LYPLAL1: variants seen among roughly 807,000 people sequenced by gnomAD.
LYPLAL1 encodes the protein lysophospholipase like 1.
A neutral mutation model predicts 19.7 loss-of-function variants in LYPLAL1; 23 were observed. That is an observed-to-expected ratio of 1.17 (90% CI 0.84 to 1.65). The LOEUF is 1.65. Ranked by LOEUF, LYPLAL1 falls within the 40% of genes most tolerant of loss-of-function variation. LYPLAL1 has a pLI of 0.00. For synonymous variants in LYPLAL1, 119 were observed against 96.3 expected, an observed-to-expected ratio of 1.24 and a Z score of -1.38; for missense variants, 355 against 279.4, an observed-to-expected ratio of 1.27 and a Z score of -1.93.
At chr1:219,214,997 T>C (rs1659235722), downstream of LYPLAL1, among the ~76,000 whole-genome samples, 1 of 152,094 alleles carries the variant, frequency 6.6e-6, no homozygotes, top group South Asian at 2.1e-4. Flanking sequence ...ACCCAGGCAA[T>C]TTTTCTTTAA....
At chr1:219,385,019 T>G in the LYPLAL1 span, among the ~76,000 whole-genome samples, 1 of 152,190 alleles carries the variant, frequency 6.6e-6, no homozygotes, top group African/African-American at 2.4e-5. Context: ...GACTTGACTA[T>G]TGGTGGGCTT....
chr1:219,198,563 A>G (rs564785857), intron 3 of LYPLAL1: 1 of 152,146 alleles, frequency 6.6e-6, no homozygotes, highest in Non-Finnish European at 1.5e-5. Context: ...ATTCACTTAA[A>G]TATCTATTGC....
chr1:219,213,428 C>T (rs1659175578), downstream of LYPLAL1, among the ~76,000 whole-genome samples: 1 of 150,210 alleles, frequency 6.7e-6, no homozygotes, highest in African/African-American at 2.5e-5. Context: ...CATAAACAAC[C>T]TTGTCTGTAT....
chr1:219,251,490 CA>C, the LYPLAL1 span, among the ~76,000 whole-genome samples: 2 of 152,130 alleles, frequency 1.3e-5, no homozygotes, highest in African/African-American at 2.4e-5. Context: ...CAATCTTCTG[CA>C]TATGGCTAGC....
chr1:219,255,685 C>T, the LYPLAL1 span, among the ~76,000 whole-genome samples: 8 of 151,934 alleles, frequency 5.3e-5, no homozygotes, highest in South Asian at 8.3e-4. Context: ...AACATCAAGA[C>T]GAAATCTTTT....
chr1:219,337,154 G>A, the LYPLAL1 span, among the ~76,000 whole-genome samples: 3 of 75,456 alleles, frequency 4.0e-5, no homozygotes, highest in Non-Finnish European at 8.3e-5. Flanking sequence ...ATTACATTGG[G>A]CATTGGATCC....
chr1:219,270,724 A>G, the LYPLAL1 span: 2 of 152,214 alleles, frequency 1.3e-5, no homozygotes, highest in East Asian at 1.9e-4. Context: ...GTTTGCAGAT[A>G]GATTTTTCAG....
At chr1:219,357,711 A>G in the LYPLAL1 span, among the ~76,000 whole-genome samples, 1 of 152,164 alleles carries the variant, frequency 6.6e-6, no homozygotes, top group South Asian at 2.1e-4. Context: ...TACCCAACTA[A>G]TTTGAAAACT....
chr1:219,420,097 T>C, the LYPLAL1 span, among the ~76,000 whole-genome samples: 2 of 152,178 alleles, frequency 1.3e-5, no homozygotes, highest in African/African-American at 4.8e-5. Context: ...GAAAGAACCA[T>C]AGATCTTGGC....
At chr1:219,185,136 G>C (rs945365192) in intron 2 of LYPLAL1, among the ~76,000 whole-genome samples, 1 of 151,798 alleles carries the variant, frequency 6.6e-6, no homozygotes, top group African/African-American at 2.4e-5. Flanking sequence ...TTGATAATTT[G>C]TATTTCTCAT....
intron 3 of LYPLAL1, among the ~76,000 whole-genome samples, chr1:219,206,520 G>A (rs1168449114): frequency 3.3e-5 from 5 of 152,076 alleles, no homozygotes; most frequent in South Asian, 2.1e-4. Flanking sequence ...TGTCAAAGAC[G>A]GCTAGTGAGG....
chr1:219,409,456 A>ACACACACACACACACACACACG, the LYPLAL1 span: 7 of 139,328 alleles, frequency 5.0e-5, no homozygotes, highest in African/African-American at 2.0e-4. Context: ...ACACACACAC[A>ACACACACACACACACACACACG]CACACACACA....
chr1:219,425,104 C>A, the LYPLAL1 span, among the ~76,000 whole-genome samples: 18 of 152,092 alleles, frequency 1.2e-4, no homozygotes, highest in African/African-American at 3.6e-4. Flanking sequence ...CACTGATAGA[C>A]TCTAGTGAGG....
At chr1:219,421,094 C>A in the LYPLAL1 span, among the ~76,000 whole-genome samples, 1 of 152,116 alleles carries the variant, frequency 6.6e-6, no homozygotes, top group Admixed American at 6.6e-5. Flanking sequence ...TTTGACATGG[C>A]CAATAAACCA....
the LYPLAL1 span, among the ~76,000 whole-genome samples, chr1:219,414,265 T>G: frequency 7.9e-5 from 12 of 152,334 alleles, no homozygotes; most frequent in Non-Finnish European, 1.0e-4. Context: ...TACCCAATCC[T>G]ATATTACTTT....
chr1:219,196,721 A>G (rs1348843266), intron 3 of LYPLAL1, among the ~76,000 whole-genome samples: 1 of 152,208 alleles, frequency 6.6e-6, no homozygotes, highest in African/African-American at 2.4e-5. Flanking sequence ...GTCTATTTGC[A>G]AATGACATGA....
chr1:219,242,631 G>A, the LYPLAL1 span, among the ~76,000 whole-genome samples: 1 of 151,908 alleles, frequency 6.6e-6, no homozygotes, highest in Admixed American at 6.6e-5. Context: ...TGTATTGGTT[G>A]GGAGTATGTA....
chr1:219,286,441 T>TC, the LYPLAL1 span, among the ~76,000 whole-genome samples: 1 of 152,176 alleles, frequency 6.6e-6, no homozygotes, highest in African/African-American at 2.4e-5. Context: ...GCAATAGCTA[T>TC]CCCTGGCTTG....
the LYPLAL1 span, among the ~76,000 whole-genome samples, chr1:219,323,437 T>C: frequency 1.3e-5 from 2 of 152,238 alleles, no homozygotes; most frequent in East Asian, 3.9e-4. Flanking sequence ...CTGAGCCAAA[T>C]AGGGAAGCAG....
Sources: allele counts gnomAD v4.1 joint callset (sites outside exome capture counted in the v4.1 genomes callset), GRCh38; gene constraint gnomAD v4.1.1; transcripts MANE v1.5; gene names NCBI Gene and HGNC (gene_info 2026-07-23, HGNC 2026-07-21).